LCMT1: variants seen among roughly 807,000 people sequenced by gnomAD.
The protein encoded by LCMT1 is [Phosphatase 2A protein]-leucine-carboxy methyltransferase 1.
LCMT1 carries 32 observed loss-of-function variants against 47.7 expected under a neutral mutation model. That is an observed-to-expected ratio of 0.67 (90% CI 0.51 to 0.90). The LOEUF is 0.90. Ranked by LOEUF, LCMT1 falls within the 40% of genes least tolerant of loss-of-function variation. LCMT1 has a pLI of 0.00. For missense variants in LCMT1, 375 were observed against 415.2 expected, an observed-to-expected ratio of 0.90 and a Z score of 0.84; for synonymous variants, 152 against 149.7, an observed-to-expected ratio of 1.02 and a Z score of -0.11.
chr16:25,169,406 T>A, intron 8 of LCMT1, 193 bp downstream of exon 8: 1 of 512,642 alleles, frequency 2.0e-6, no homozygotes, highest in Non-Finnish European at 3.5e-6. Flanking sequence ...TCACATTTCC[T>A]ACACCCTATT....
chr16:25,138,170 G>C (rs547666244), intron 3 of LCMT1, among the ~76,000 whole-genome samples: 9 of 152,312 alleles, frequency 5.9e-5, no homozygotes, highest in South Asian at 2.1e-4. Flanking sequence ...TAAGTGGAGA[G>C]GGGGAGAGGC....
intron 5 of LCMT1, among the ~76,000 whole-genome samples, chr16:25,159,599 C>T (rs1046431341): frequency 3.9e-5 from 6 of 152,088 alleles, no homozygotes; most frequent in South Asian, 2.1e-4. Flanking sequence ...TTTCCTGACT[C>T]GTGACACCCT....
chr16:25,138,521 G>A (rs529866329), intron 3 of LCMT1, among the ~76,000 whole-genome samples: 21 of 151,218 alleles, frequency 1.4e-4, no homozygotes, highest in East Asian at 1.2e-3. Context: ...GCGCATGTGC[G>A]TGTGTGTGTG....
chr16:25,125,369 T>C (rs1203710234), intron 1 of LCMT1, among the ~76,000 whole-genome samples: 1 of 152,242 alleles, frequency 6.6e-6, no homozygotes, highest in Non-Finnish European at 1.5e-5. Flanking sequence ...TACTTGATTT[T>C]CTTAGGATTA....
In LCMT1 at chr16:25,154,745, C is replaced by A. The variant is rs568956354; in HGVS notation, c.466+3130C>A. On this transcript the variant is annotated intron_variant, in intron 5 of 10. Transcript: ENST00000399069. ...CCTCGTGATCCACCGGCCTCGGCCT[C>A]CCAAAGTGCGGGATTATAGGTGTGA... Among the ~76,000 whole-genome samples the A allele has an allele frequency of 2.6e-5, 4 of 152,150 alleles. No individual in the cohort carries two copies. The South Asian group carries it at 8.3e-4, about 32-fold the overall frequency.
chr16:25,128,710 G>C (rs1206581859), intron 2 of LCMT1, 144 bp downstream of exon 2: 2 of 632,976 alleles, frequency 3.2e-6, no homozygotes, highest in Non-Finnish European at 2.8e-6. Context: ...AACACGGTGT[G>C]TTATAAACTT....
At chr16:25,169,001 G>A in intron 7 of LCMT1, 111 bp from the exon 8 acceptor site, 2 of 756,390 alleles carry the variant, frequency 2.6e-6, no homozygotes, top group Non-Finnish European at 4.6e-6. Context: ...TATGCTGGGT[G>A]TGCGTCATCA....
intron 9 of LCMT1, among the ~76,000 whole-genome samples, chr16:25,174,220 T>C (rs900112289): frequency 2.0e-5 from 3 of 152,196 alleles, no homozygotes; most frequent in African/African-American, 7.2e-5. Flanking sequence ...CCTGTGTATG[T>C]ATGTTTAAAA....
intron 5 of LCMT1, chr16:25,158,694 T>A (rs1961333472): frequency 6.6e-6 from 1 of 152,282 alleles, no homozygotes; most frequent in South Asian, 2.1e-4. Flanking sequence ...AAACTTGCTC[T>A]GAGCCTGTCC....
chr16:25,126,661 TC>T (rs1567309874), intron 1 of LCMT1, among the ~76,000 whole-genome samples: 1 of 152,188 alleles, frequency 6.6e-6, no homozygotes, highest in Non-Finnish European at 1.5e-5. Context: ...GTGTAAAGAA[TC>T]TGGAGGTGAG....
chr16:25,137,294 A>G (rs1481557511), intron 3 of LCMT1, among the ~76,000 whole-genome samples: 1 of 151,906 alleles, frequency 6.6e-6, no homozygotes, highest in East Asian at 1.9e-4. Flanking sequence ...TCAGGCTCCC[A>G]AAGTGCTGGG....
intron 3 of LCMT1, among the ~76,000 whole-genome samples, chr16:25,136,150 C>T (rs1439686684): frequency 3.3e-5 from 5 of 151,688 alleles, no homozygotes; most frequent in Non-Finnish European, 7.4e-5. Context: ...TTTAAGGGGC[C>T]TCCATTTCTT....
intron 2 of LCMT1, among the ~76,000 whole-genome samples, chr16:25,131,961 A>G (rs143640096): frequency 6.6e-6 from 1 of 152,296 alleles, no homozygotes; most frequent in East Asian, 1.9e-4. Flanking sequence ...ACAGGATAAC[A>G]AATATAGCTT....
At chr16:25,167,526 G>A (rs947691410) in intron 7 of LCMT1, among the ~76,000 whole-genome samples, 1 of 151,822 alleles carries the variant, frequency 6.6e-6, no homozygotes, top group Non-Finnish European at 1.5e-5. Context: ...TGTCCAGGCT[G>A]GTCTCAAACT....
Position 25,128,534 on chromosome 16 carries a change from CTAAAG to C in LCMT1, c.174_178del (p.Lys59GlufsTer5). The C allele has an allele frequency of 6.2e-7, 1 of 1,608,314 alleles. No individual in the cohort carries two copies. Among genetic ancestry groups the C allele is most frequent in the African/African-American group, 1.3e-5 (1 of 74,968 alleles). On this transcript the variant is annotated frameshift_variant, in exon 2 of 11. Coordinates refer to ENST00000399069, the MANE Select transcript of LCMT1 (RefSeq NM_016309.3). LOFTEE classifies it high-confidence loss of function. ...TACATACAGCACTTTGTGAGACTGT[CTAAAG>C]AGAGGAAAGCCCCTGAAATCAACAG... is the stretch of plus-strand genomic sequence containing the variant.
chr16:25,129,037 C>T (rs1005158858), intron 2 of LCMT1, among the ~76,000 whole-genome samples: 1 of 149,726 alleles, frequency 6.7e-6, no homozygotes, highest in African/African-American at 2.5e-5. Context: ...GTCATGTGTT[C>T]TCACTGTTCA....
intron 7 of LCMT1, among the ~76,000 whole-genome samples, chr16:25,168,605 TAGAG>T (rs1475550176): frequency 6.6e-6 from 1 of 152,212 alleles, no homozygotes; most frequent in African/African-American, 2.4e-5. Flanking sequence ...TCTATGTACA[TAGAG>T]AGATTCTTTT....
intron 9 of LCMT1, among the ~76,000 whole-genome samples, chr16:25,171,008 A>G (rs1961749887): frequency 6.6e-6 from 1 of 152,196 alleles, no homozygotes; most frequent in South Asian, 2.1e-4. Flanking sequence ...AGGCGGGCAG[A>G]TCACTTGAGG....
chr16:25,154,489 CTTTTTTTTTTT>C (rs748304475), intron 5 of LCMT1, among the ~76,000 whole-genome samples: 2 of 123,754 alleles, frequency 1.6e-5, no homozygotes, highest in African/African-American at 3.0e-5. Context: ...TGGATGTGTT[CTTTTTTTTTTT>C]TTTTTTTTGA....
Sources: gnomAD v4.1 joint callset for allele counts (sites outside exome capture counted in the v4.1 genomes callset) on GRCh38, gnomAD v4.1.1 for gene constraint, MANE v1.5 for transcripts, NCBI Gene and HGNC (gene_info 2026-07-23, HGNC 2026-07-21) for gene names.